Variants in SASH1 observed in about 807,000 individuals in gnomAD.
The protein encoded by SASH1 is SAM and SH3 domain containing 1.
Under a neutral mutation model 125.2 loss-of-function variants are expected in SASH1, and 44 were observed. The ratio of observed to expected loss-of-function variants is 0.35; its 90% confidence interval spans 0.28 to 0.45. The LOEUF (loss-of-function observed/expected upper bound fraction) is 0.45, where lower values mean the gene tolerates loss of function less well. SASH1 is among the 20% of genes least tolerant of loss of function. SASH1 has a pLI of 1.00. For missense variants in SASH1, 1,426 were observed against 1,614.5 expected, an observed-to-expected ratio of 0.88 and a Z score of 2.00; for synonymous variants, 639 against 649.1, an observed-to-expected ratio of 0.98 and a Z score of 0.24.
In SASH1 at chr6:148,471,513, T is replaced by C. The variant is rs1562439533; in HGVS notation, c.514+10T>C. The C allele has an allele frequency of 2.0e-6, 3 of 1,537,818 alleles. No individual in the cohort carries two copies. Among genetic ancestry groups the C allele is most frequent in the Admixed American group, 3.5e-5 (2 of 57,110 alleles). On this transcript the variant is annotated intron_variant, in intron 6 of 19. Transcript: ENST00000367467. ...AGACAGACTTCAAAAGGTACTGCAA[T>C]GCAGCTGGCGGACAGTAGGTCCTTT...
chr6:148,237,878 C>T, the SASH1 span, among the ~76,000 whole-genome samples: 1 of 152,192 alleles, frequency 6.6e-6, no homozygotes, highest in Admixed American at 6.5e-5. Flanking sequence ...TTCCAGGCCT[C>T]CTTGCTGTTC....
the SASH1 span, among the ~76,000 whole-genome samples, chr6:148,254,677 T>C: frequency 1.3e-4 from 20 of 152,246 alleles, no homozygotes; most frequent in Non-Finnish European, 2.5e-4. Flanking sequence ...AGGATGGCTC[T>C]AATAATAAGA....
At chr6:148,354,381 G>A (rs1167247804) in intron 1 of SASH1, among the ~76,000 whole-genome samples, 1 of 152,118 alleles carries the variant, frequency 6.6e-6, no homozygotes, top group African/African-American at 2.4e-5. Context: ...TTAGAAACAT[G>A]TAAAATATTA....
chr6:148,406,345 A>C (rs1412979338), intron 2 of SASH1, among the ~76,000 whole-genome samples: 1 of 152,208 alleles, frequency 6.6e-6, no homozygotes, highest in Non-Finnish European at 1.5e-5. Context: ...AGAGATAAAA[A>C]AAAAAGAAGT....
chr6:148,364,396 C>T (rs1245782420), intron 1 of SASH1, among the ~76,000 whole-genome samples: 1 of 151,992 alleles, frequency 6.6e-6, no homozygotes, highest in East Asian at 1.9e-4. Context: ...TGTGGGAAGT[C>T]GATGGGGTGT....
intron 1 of SASH1, among the ~76,000 whole-genome samples, chr6:148,326,414 C>A (rs12661197): frequency 1.2e-5 from 1 of 83,978 alleles, no homozygotes; most frequent in Non-Finnish European, 2.3e-5. Flanking sequence ...CTTTTCTTTT[C>A]TTTTTTTTGA....
At chr6:148,499,002 T>C (rs542144057) in intron 8 of SASH1, among the ~76,000 whole-genome samples, 1 of 152,100 alleles carries the variant, frequency 6.6e-6, no homozygotes, top group Admixed American at 6.6e-5. Context: ...TTCACTTGTT[T>C]TGAGTCCATT....
the SASH1 span, among the ~76,000 whole-genome samples, chr6:148,229,133 C>CAAAAAAAAAA: frequency 6.6e-5 from 4 of 60,968 alleles, no homozygotes; most frequent in South Asian, 1.1e-3. Flanking sequence ...GACTCCATCT[C>CAAAAAAAAAA]AAAAAAAAAA....
intron 2 of SASH1, among the ~76,000 whole-genome samples, chr6:148,401,715 TAAATC>T (rs1289844132): frequency 6.6e-6 from 1 of 152,148 alleles, no homozygotes; most frequent in East Asian, 1.9e-4. Context: ...TAATCAAAAA[TAAATC>T]AAGAGCAAGT....
the SASH1 span, among the ~76,000 whole-genome samples, chr6:148,206,237 C>T: frequency 6.6e-6 from 1 of 151,956 alleles, no homozygotes; most frequent in South Asian, 2.1e-4. Context: ...CCTAGAGCAC[C>T]TGATGGAGAA....
Position 148,517,610 on chromosome 6 carries a change from G to T in SASH1, c.863-1937G>T, listed in dbSNP as rs544545330. Among the ~76,000 whole-genome samples the T allele has an allele frequency of 2.6e-5, 4 of 152,326 alleles. No individual in the cohort carries two copies. The East Asian group carries it at 7.7e-4, about 29-fold the overall frequency. On this transcript the variant is annotated intron_variant, in intron 9 of 19. Coordinates refer to ENST00000367467, the MANE Select transcript of SASH1 (RefSeq NM_015278.5). ...GAAAAGCCCGCACTACAGGAGGCCT[G>T]CCCTCAGCACCGGCAGATGCAGCCT... is the stretch of plus-strand genomic sequence containing the variant.
the SASH1 span, among the ~76,000 whole-genome samples, chr6:148,224,994 G>C: frequency 0.043 from 6,569 of 152,266 alleles, 180 homozygotes; most frequent in East Asian, 0.063. Flanking sequence ...TGGTTCCCAA[G>C]GACCGCTGGG....
chr6:148,508,771 C>A, intron 8 of SASH1: 1 of 1,245,864 alleles, frequency 8.0e-7, no homozygotes, highest in Non-Finnish European at 1.0e-6. Flanking sequence ...TTTGAGATTG[C>A]GGAGTTTGAT....
chr6:148,199,952 T>A, the SASH1 span, among the ~76,000 whole-genome samples: 5 of 152,114 alleles, frequency 3.3e-5, no homozygotes, highest in Admixed American at 3.3e-4. Context: ...AACTGAGGGA[T>A]ATTGAATAGG....
intron 8 of SASH1, among the ~76,000 whole-genome samples, chr6:148,494,216 T>C (rs1223788726): frequency 6.6e-6 from 1 of 152,204 alleles, no homozygotes; most frequent in East Asian, 1.9e-4. Flanking sequence ...GATGGCAATC[T>C]TATTTAAAAT....
Position 148,343,191 on chromosome 6 carries a change from T to C in SASH1, c.124T>C (p.Ser42Pro). ...GGGTGCTGGCACATCCGAGGCGTTCTCCCGACTCTGGACCGACGTGATGGG... is the reference window on the plus strand; with the variant it reads ...GGGTGCTGGCACATCCGAGGCGTTCCCCCGACTCTGGACCGACGTGATGGG... Reference protein sequence around the residue: ...KPGAGTSEAFSRLWTDVMGIL... With the variant: ...KPGAGTSEAFPRLWTDVMGIL... Residue 42 changes from serine (S) to proline (P), a missense_variant, in exon 1 of 20, where the codon TCC becomes CCC. Ser to Pro is a moderately conservative substitution (Grantham distance 74, BLOSUM62 -1). Coordinates refer to ENST00000367467, the MANE Select transcript of SASH1 (RefSeq NM_015278.5). 1 of 1,599,906 alleles carries C rather than the reference T, an allele frequency of 6.3e-7. No homozygotes were observed. Among genetic ancestry groups the C allele is most frequent in the Admixed American group, 1.7e-5 (1 of 59,876 alleles).
At chr6:148,512,800 G>T in intron 8 of SASH1, 1 of 985,032 alleles carries the variant, frequency 1.0e-6, no homozygotes, top group Non-Finnish European at 1.2e-6. Context: ...ATTGGACATA[G>T]ATATTAATAC....
rs1562503121 is a variant in SASH1, at chr6:148,544,409, T to C, written c.2939T>C (p.Ile980Thr). The change falls in exon 18 of 20, where the codon ATT becomes ACT. Residue 980 changes from isoleucine (I) to threonine (T), a missense_variant. By Grantham distance (89) the Ile-to-Thr change is moderately conservative. This residue lies in a region of SASH1 where 634 missense variants were observed against 694.4 expected (regional missense o/e 0.91). Coordinates refer to ENST00000367467, the MANE Select transcript of SASH1 (RefSeq NM_015278.5). This position sits in a 1 kb window ranked among gnomAD's most constrained non-coding sequence, Gnocchi z 6.4. Reference protein sequence around the residue: ...VDAEQRMQPKIPSQPPPVPAK... With the variant: ...VDAEQRMQPKTPSQPPPVPAK... Reference sequence around the variant, plus strand: ...GCTGAGCAGAGAATGCAGCCCAAAATTCCATCACAGCCTCCACCTGTTCCT... The same window carrying C: ...GCTGAGCAGAGAATGCAGCCCAAAACTCCATCACAGCCTCCACCTGTTCCT... 1.2e-6 allele frequency: 2 copies of C among 1,614,040 alleles called. No individual in the cohort carries two copies. The highest frequency in any genetic ancestry group is 2.7e-5 in the African/African-American group (2 of 75,016).
At chr6:148,411,013 G>C (rs1198042944) in intron 2 of SASH1, among the ~76,000 whole-genome samples, 1 of 151,840 alleles carries the variant, frequency 6.6e-6, no homozygotes, top group East Asian at 1.9e-4. Flanking sequence ...TACAAAATTA[G>C]CTGGGCATGG....
Sources: allele counts gnomAD v4.1 joint callset (sites outside exome capture counted in the v4.1 genomes callset), GRCh38; gene constraint gnomAD v4.1.1; regional missense constraint gnomAD v4.1.1; non-coding constraint Gnocchi (gnomAD v3.1); transcripts MANE v1.5; gene names NCBI Gene and HGNC (gene_info 2026-07-23, HGNC 2026-07-21).